GALNT8: variants seen among roughly 807,000 people sequenced by gnomAD.
The protein encoded by GALNT8 is probable polypeptide N-acetylgalactosaminyltransferase 8.
GALNT8 carries 66 observed loss-of-function variants against 62.7 expected under a neutral mutation model. The observed-to-expected ratio is 1.05, with a 90% CI of 0.86 to 1.29. GALNT8 has a LOEUF of 1.29. GALNT8 is among the 50% of genes most tolerant of loss of function. GALNT8 has a pLI of 0.00. For missense variants in GALNT8, 771 were observed against 791.8 expected, an observed-to-expected ratio of 0.97 and a Z score of 0.32; for synonymous variants, 288 against 294.3, an observed-to-expected ratio of 0.98 and a Z score of 0.22.
At chr12:4,753,561 G>A (rs551453057) in intron 6 of GALNT8, among the ~76,000 whole-genome samples, 11 of 152,234 alleles carry the variant, frequency 7.2e-5, no homozygotes, top group African/African-American at 2.4e-4. Context: ...TTATCTGATA[G>A]AATTCTGAAT....
intron 10 of GALNT8, chr12:4,768,408 C>T: frequency 5.3e-6 from 2 of 374,174 alleles, no homozygotes; most frequent in Non-Finnish European, 5.2e-6. Flanking sequence ...TTTTTCATAT[C>T]TTTTTTTTGT....
chr12:4,738,391 A>G (rs1048946199), intron 2 of GALNT8, among the ~76,000 whole-genome samples: 1 of 152,252 alleles, frequency 6.6e-6, no homozygotes, highest in African/African-American at 2.4e-5. Flanking sequence ...CACCAAAAGC[A>G]TAGGTGAAAC....
At position 4,736,025 on chromosome 12, in the gene GALNT8, G is replaced by A. The variant is rs1346786667; in HGVS notation, c.510-3138G>A. Among the ~76,000 whole-genome samples the A allele has an allele frequency of 3.3e-5, 5 of 152,276 alleles. No individual in the cohort carries two copies. The South Asian group carries it at 8.3e-4, about 25-fold the overall frequency. On this transcript the variant is annotated intron_variant, in intron 2 of 10. Transcript: ENST00000252318. ...TAATACTAGTAGCAACAAGCAAAAT[G>A]GCAGAACAACCAGAAATTTAACAGG...
chr12:4,758,633 TGTGTGAGAGAGA>T (rs55797662), intron 6 of GALNT8, among the ~76,000 whole-genome samples: 14,491 of 78,444 alleles, frequency 0.18, 832 homozygotes, highest in Admixed American at 0.28. Context: ...TGTGTGTGTG[TGTGTGAGAGAGA>T]GAGAGAGAGA....
chr12:4,761,266 T>C, intron 7 of GALNT8, 123 bp downstream of exon 7: 1 of 713,838 alleles, frequency 1.4e-6, no homozygotes, highest in South Asian at 1.8e-5. Flanking sequence ...AAGGTCCTGA[T>C]GGTGTGATAA....
At chr12:4,768,800 A>G (rs1946410835) in intron 10 of GALNT8, among the ~76,000 whole-genome samples, 1 of 152,214 alleles carries the variant, frequency 6.6e-6, no homozygotes, top group Non-Finnish European at 1.5e-5. Flanking sequence ...GATATGAAAA[A>G]TGATACTTGA....
Position 4,746,170 on chromosome 12 carries a change from C to T in GALNT8, c.1085C>T (p.Ala362Val). 1.2e-6 allele frequency: 2 copies of T among 1,611,566 alleles called. No individual in the cohort carries two copies. The highest frequency in any genetic ancestry group is 1.7e-6 in the Non-Finnish European group (2 of 1,177,708). Residue 362 changes from alanine to valine, a missense_variant, in exon 6 of 11, where the codon GCT (alanine) becomes GTT (valine). By Grantham distance (64) the Ala-to-Val change is moderately conservative (BLOSUM62 0). Transcript: ENST00000252318. ...AGTCCTTCAATCATGGGCATCCTGG[C>T]TGCTAACAGGCACTTCCTGGGAGAG... ...VKSPSIMGIL[A>V]ANRHFLGEIG... is the part of the protein sequence containing the mutation.
In GALNT8 at chr12:4,767,125, C is replaced by CAACT. The variant is rs1284524594; in HGVS notation, c.1761+1581_1761+1584dup. 2.6e-5 allele frequency among the ~76,000 whole-genome samples: 4 copies of CAACT among 152,208 alleles called. No homozygotes were observed. The East Asian group carries it at 5.8e-4, about 22-fold the overall frequency. Reference sequence around the variant, plus strand: ...CTCCCCTCCCGCTTCTTCACCAGGCCAACTACAAAGTGTTCCCCTGGCCTT... The same window carrying CAACT: ...CTCCCCTCCCGCTTCTTCACCAGGCCAACTAACTACAAAGTGTTCCCCTGGCCTT... On this transcript the variant is annotated intron_variant, in intron 10 of 10. Coordinates refer to ENST00000252318, the MANE Select transcript of GALNT8 (RefSeq NM_017417.2).
chr12:4,725,588 C>T (rs930140889), intron 1 of GALNT8, among the ~76,000 whole-genome samples: 4 of 138,096 alleles, frequency 2.9e-5, no homozygotes, highest in African/African-American at 1.1e-4. Flanking sequence ...CGGAGTCTCG[C>T]TCTGTTGCCC....
In GALNT8 at chr12:4,746,177, C is replaced by T. The variant is rs371399135; in HGVS notation, c.1092C>T (p.Asn364=). ...SPSIMGILAA[N]RHFLGEIGSL... Reference sequence around the variant, plus strand: ...CAATCATGGGCATCCTGGCTGCTAACAGGCACTTCCTGGGAGAGATCGGGT... The same window carrying T: ...CAATCATGGGCATCCTGGCTGCTAATAGGCACTTCCTGGGAGAGATCGGGT... Residue 364 remains asparagine (N), a synonymous_variant, in exon 6 of 11, where the codon AAC becomes AAT. Coordinates refer to ENST00000252318, the MANE Select transcript of GALNT8 (RefSeq NM_017417.2). 3.1e-6 allele frequency: 5 copies of T among 1,612,488 alleles called. No homozygotes were observed. The African/African-American group carries it at 6.7e-5, about 22-fold the overall frequency.
intron 6 of GALNT8, among the ~76,000 whole-genome samples, chr12:4,752,259 T>C (rs1172054594): frequency 6.6e-6 from 1 of 152,150 alleles, no homozygotes; most frequent in Non-Finnish European, 1.5e-5. Context: ...AATGTTATTA[T>C]TGATAAGAAA....
intron 10 of GALNT8, 29 bp from the exon 11 acceptor site, chr12:4,772,416 A>G: frequency 6.2e-7 from 1 of 1,606,394 alleles, no homozygotes. Flanking sequence ...GCATTTCAGC[A>G]CCTTGGCTCT....
chr12:4,763,880 A>G, intron 8 of GALNT8, 72 bp from the exon 9 acceptor site: 1 of 814,968 alleles, frequency 1.2e-6, no homozygotes, highest in East Asian at 2.4e-5. Context: ...GGGAAAATGT[A>G]GGCCCTGGGA....
intron 6 of GALNT8, among the ~76,000 whole-genome samples, chr12:4,756,212 G>C (rs774370367): frequency 2.0e-5 from 3 of 152,128 alleles, no homozygotes; most frequent in Non-Finnish European, 4.4e-5. Flanking sequence ...GGGCTGGCCC[G>C]GGGGTTTGTG....
At chr12:4,733,356 C>T (rs552428429) in intron 2 of GALNT8, among the ~76,000 whole-genome samples, 10 of 152,218 alleles carry the variant, frequency 6.6e-5, no homozygotes, top group South Asian at 6.2e-4. Context: ...TTTGGAACCA[C>T]GGGAGGCACA....
chr12:4,766,507 GCTGA>G (rs1946400559), intron 10 of GALNT8, among the ~76,000 whole-genome samples: 1 of 152,206 alleles, frequency 6.6e-6, no homozygotes, highest in South Asian at 2.1e-4. Context: ...GGAATACTAT[GCTGA>G]AATCTGACAG....
intron 2 of GALNT8, among the ~76,000 whole-genome samples, chr12:4,728,766 AG>A (rs1946207683): frequency 6.6e-6 from 1 of 152,184 alleles, no homozygotes; most frequent in African/African-American, 2.4e-5. Context: ...GTAATTTTGT[AG>A]TACATTTTGA....
chr12:4,760,141 C>G (rs1470757264), intron 6 of GALNT8, among the ~76,000 whole-genome samples: 2 of 152,202 alleles, frequency 1.3e-5, no homozygotes, highest in African/African-American at 4.8e-5. Flanking sequence ...TTCTGTAAGG[C>G]TGCCATCAAG....
chr12:4,761,065 C>T lies in GALNT8; in HGVS notation c.1281C>T (p.Arg427=). 1.2e-6 allele frequency: 2 copies of T among 1,613,996 alleles called. No individual in the cohort carries two copies. The highest frequency in any genetic ancestry group is 2.2e-5 in the South Asian group (2 of 91,062). Residue 427 remains arginine (R), a synonymous_variant, in exon 7 of 11, where the codon CGC becomes CGT. Transcript: ENST00000252318. ...TGGATCTCACCGCTGCCTTGAAGCGCAATGCTCTGCGAGTGGCCGAAATCT... is the reference window on the plus strand; with the variant it reads ...TGGATCTCACCGCTGCCTTGAAGCGTAATGCTCTGCGAGTGGCCGAAATCT... ...YALDLTAALK[R]NALRVAEIWM...
Sources: gnomAD v4.1 joint callset for allele counts (sites outside exome capture counted in the v4.1 genomes callset) on GRCh38, gnomAD v4.1.1 for gene constraint, MANE v1.5 for transcripts, NCBI Gene and HGNC (gene_info 2026-07-23, HGNC 2026-07-21) for gene names.